METTL27: variants seen among roughly 807,000 people sequenced by gnomAD.
METTL27 encodes methyltransferase-like protein 27.
METTL27 carries 29 observed loss-of-function variants against 24.5 expected under a neutral mutation model. The observed-to-expected ratio is 1.18, with a 90% CI of 0.88 to 1.61. The LOEUF is 1.61. Ranked by LOEUF, METTL27 falls within the 40% of genes most tolerant of loss-of-function variation. METTL27 has a pLI of 0.00. For synonymous variants in METTL27, 138 were observed against 146.8 expected (o/e 0.94, Z 0.43); for missense variants, 341 against 324.3 (o/e 1.05, Z -0.40).
chr7:73,839,796 G>A (rs1344607401), intron 5 of METTL27: 7 of 475,106 alleles, frequency 1.5e-5, no homozygotes, highest in Non-Finnish European at 2.6e-5. Context: ...GCAGAGGAGG[G>A]TGGAGTTGCT....
intron 5 of METTL27, among the ~76,000 whole-genome samples, chr7:73,835,412 G>A (rs1423043189): frequency 1.2e-4 from 18 of 144,252 alleles, no homozygotes; most frequent in African/African-American, 3.2e-4. Flanking sequence ...ACGGGGTTTC[G>A]CTGTGTTGGC....
rs199759118 is a variant in METTL27, at chr7:73,841,030, C to A, written c.252+40G>T. 20 of 1,425,040 alleles carry A rather than the reference C, an allele frequency of 1.4e-5. No individual in the cohort carries two copies. The Admixed American group carries it at 5.9e-4, about 42-fold the overall frequency. 88.3% of individuals were successfully genotyped at this position (1,425,040 alleles called of 1,614,324 possible). On this transcript the variant is annotated intron_variant, in intron 3 of 5. Coordinates refer to ENST00000297873, the MANE Select transcript of METTL27 (RefSeq NM_152559.3). ...GGGCAGTAGGAGATTTGAGGAAGTG[C>A]GGGGCTAAGGAGTAGGCAGGGGATC... is the stretch of plus-strand genomic sequence containing the variant.
intron 5 of METTL27, among the ~76,000 whole-genome samples, chr7:73,838,989 A>G (rs1444154616): frequency 1.3e-5 from 2 of 152,168 alleles, no homozygotes; most frequent in African/African-American, 4.8e-5. Context: ...TCTTCTCTAC[A>G]TTCATGGAGC....
At position 73,841,061 on chromosome 7, in the gene METTL27, G is replaced by T. The variant is rs1554636312; in HGVS notation, c.252+9C>A. ...TAAGGAGTAGGCAGGGGATCTGGAA[G>T]AGCCTCACCTCGGCAGCCACTAGGC... is the stretch of plus-strand genomic sequence containing the variant. On this transcript the variant is annotated intron_variant, in intron 3 of 5. Transcript: ENST00000297873. 2 of 1,475,924 alleles carry T rather than the reference G, an allele frequency of 1.4e-6. No individual in the cohort carries two copies. The highest frequency in any genetic ancestry group is 5.4e-5 in the East Asian group (2 of 37,094). The allele number at this position is 1,475,924 out of a possible 1,614,324, so 91.4% of individuals were successfully genotyped here.
At chr7:73,839,995 C>T (rs200213254) in intron 5 of METTL27, 36 bp downstream of exon 5, 23 of 1,573,312 alleles carry the variant, frequency 1.5e-5, no homozygotes, top group Middle Eastern at 1.7e-4. Context: ...TATATGGTGA[C>T]GGGGGTTGGG....
intron 5 of METTL27, among the ~76,000 whole-genome samples, chr7:73,835,870 G>A (rs1178216570): frequency 6.2e-5 from 8 of 128,660 alleles, no homozygotes; most frequent in Non-Finnish European, 8.5e-5. Flanking sequence ...CCGCCGCCCC[G>A]TCTGGGATGT....
chr7:73,840,810 C>A (rs1788332636), intron 3 of METTL27, among the ~76,000 whole-genome samples: 1 of 152,154 alleles, frequency 6.6e-6, no homozygotes, highest in Non-Finnish European at 1.5e-5. Flanking sequence ...AGGCGTGCAC[C>A]ACCCTGCCTG....
At chr7:73,836,004 C>T (rs1788172894) in intron 5 of METTL27, among the ~76,000 whole-genome samples, 1 of 104,780 alleles carries the variant, frequency 9.5e-6, no homozygotes, top group Non-Finnish European at 2.1e-5. Flanking sequence ...AAGTGAGGAG[C>T]CCCTCCGCCC....
chr7:73,840,130 TGTGGGGGG>T lies in METTL27; in HGVS notation c.389-18_389-11del. ...ACCGCGTCGAAGGTCCCTGTGTGTG[TGTGGGGGG>T]GGGTGGGGACATGGTGTGATGCTTG... On this transcript the variant is annotated splice_polypyrimidine_tract_variant and intron_variant, in intron 4 of 5. Transcript: ENST00000297873. 1 of 1,048,114 alleles carries T rather than the reference TGTGGGGGG, an allele frequency of 9.5e-7. No individual in the cohort carries two copies. The highest frequency in any genetic ancestry group is 1.3e-6 in the Non-Finnish European group (1 of 793,074). 64.9% of individuals were successfully genotyped at this position (1,048,114 alleles called of 1,614,324 possible).
chr7:73,841,957 C>T (rs781855384), intron 2 of METTL27, 61 bp downstream of exon 2: 19 of 1,612,716 alleles, frequency 1.2e-5, no homozygotes, highest in Non-Finnish European at 1.5e-5. Flanking sequence ...GCTGATTCCC[C>T]ACTTTACAGG....
In METTL27 at chr7:73,840,950, G is replaced by A. The variant is rs1788335772; in HGVS notation, c.252+120C>T. The A allele has an allele frequency of 8.2e-6, 11 of 1,349,076 alleles. No individual in the cohort carries two copies. In the South Asian group the frequency reaches 1.4e-4, roughly 18 times the overall value. 83.6% of individuals were successfully genotyped at this position (1,349,076 alleles called of 1,614,324 possible). A position where few individuals can be genotyped will look rare whatever the true frequency, so the allele number is the denominator to read the frequency against. On this transcript the variant is annotated intron_variant, in intron 3 of 5. Coordinates refer to ENST00000297873, the MANE Select transcript of METTL27 (RefSeq NM_152559.3). Reference sequence around the variant, plus strand: ...TGTGAGCCACAGTATGCCTGGTCCTGTCTCATGCATTTGAAACAGTGAGTC... The same window carrying A: ...TGTGAGCCACAGTATGCCTGGTCCTATCTCATGCATTTGAAACAGTGAGTC...
chr7:73,839,888 T>G, intron 5 of METTL27, 143 bp downstream of exon 5: 7 of 648,640 alleles, frequency 1.1e-5, no homozygotes, highest in Non-Finnish European at 1.7e-5. Flanking sequence ...GTGGCTGGGA[T>G]GTTAGGCTAG....
intron 5 of METTL27, among the ~76,000 whole-genome samples, chr7:73,836,804 G>C (rs1788218025): frequency 2.4e-5 from 2 of 81,848 alleles, no homozygotes; most frequent in South Asian, 6.9e-4. Context: ...CATTGAGAAC[G>C]AGCCAGGATG....
In METTL27 at chr7:73,834,973, T is replaced by G. The variant is rs781982013; in HGVS notation, c.508A>C (p.Asn170His). The change falls in exon 6 of 6, where the codon AAC becomes CAC. Residue 170 changes from asparagine to histidine, a missense_variant. Asn to His is a moderately conservative substitution (Grantham distance 68). Coordinates refer to ENST00000297873, the MANE Select transcript of METTL27 (RefSeq NM_152559.3). ...TCCTTGTATTGAAGGTTGGACGAGT[T>G]GGTCCTGGTGGTCAGACACACCAGC... ...GGLVCLTTRT[N>H]SSNLQYKEAL... is the part of the protein sequence containing the mutation. 2.0e-5 allele frequency: 33 copies of G among 1,612,740 alleles called. No individual in the cohort carries two copies. In the South Asian group the frequency reaches 3.6e-4, roughly 18 times the overall value.
At chr7:73,835,036 G>T in intron 5 of METTL27, 34 bp from the exon 6 acceptor site, 1 of 1,577,258 alleles carries the variant, frequency 6.3e-7, no homozygotes, top group Non-Finnish European at 8.6e-7. Flanking sequence ...TGGGGGAGGG[G>T]CAGGAGCCAC....
chr7:73,841,228 C>T (rs368633575), intron 2 of METTL27, 30 bp from the exon 3 acceptor site: 11 of 1,548,178 alleles, frequency 7.1e-6, no homozygotes, highest in East Asian at 2.5e-5. Flanking sequence ...CCTACAACAC[C>T]GGTGCCCCAG....
At chr7:73,836,191 C>A (rs1554635184) in intron 5 of METTL27, among the ~76,000 whole-genome samples, 2 of 46,428 alleles carry the variant, frequency 4.3e-5, no homozygotes, top group Non-Finnish European at 1.3e-4. Flanking sequence ...GGGGGTCAGC[C>A]CCCCGCCAGG....
Position 73,840,121 on chromosome 7 carries a change from C to T in METTL27, c.389-1G>A. The T allele has an allele frequency of 1.4e-6, 2 of 1,461,210 alleles. No individual in the cohort carries two copies. Among genetic ancestry groups the T allele is most frequent in the Non-Finnish European group, 1.8e-6 (2 of 1,090,028 alleles). 90.5% of individuals were successfully genotyped at this position (1,461,210 alleles called of 1,614,324 possible). A position where few individuals can be genotyped will look rare whatever the true frequency, so the allele number is the denominator to read the frequency against. ...ACTATCAGCACCGCGTCGAAGGTCCCTGTGTGTGTGTGGGGGGGGGTGGGG... is the reference window on the plus strand; with the variant it reads ...ACTATCAGCACCGCGTCGAAGGTCCTTGTGTGTGTGTGGGGGGGGGTGGGG... On this transcript the variant is annotated splice_acceptor_variant, in intron 4 of 5. Transcript: ENST00000297873. LOFTEE classifies it high-confidence loss of function.
In METTL27 at chr7:73,837,994, T is replaced by C. The variant is rs563102430; in HGVS notation, c.478+2037A>G. ...CCTCCTGAGTAGCTGGGACCACAGG[T>C]GCTCACCACCACGCCTGGCTAATTA... On this transcript the variant is annotated intron_variant, in intron 5 of 5. Transcript: ENST00000297873. Among the ~76,000 whole-genome samples, 3 of 151,646 alleles carry C rather than the reference T, an allele frequency of 2.0e-5. No individual in the cohort carries two copies. In the East Asian group the frequency reaches 5.8e-4, roughly 30 times the overall value.
Sources: allele counts gnomAD v4.1 joint callset (sites outside exome capture counted in the v4.1 genomes callset), GRCh38; gene constraint gnomAD v4.1.1; transcripts MANE v1.5; gene names NCBI Gene and HGNC (gene_info 2026-07-23, HGNC 2026-07-21).